The following EDEM3 variants were observed in gnomAD, a reference collection of about 807,000 sequenced individuals.
The protein encoded by EDEM3 is ER degradation-enhancing alpha-mannosidase-like protein 3.
A neutral mutation model predicts 110.2 loss-of-function variants in EDEM3; 60 were observed. That is an observed-to-expected ratio of 0.54 (90% confidence interval 0.44 to 0.67). The LOEUF (loss-of-function observed/expected upper bound fraction) is 0.67. Among genes scored for constraint, EDEM3 ranks in the 30% least tolerant of loss-of-function variants. The pLI is 0.00. For synonymous variants in EDEM3, 352 were observed against 382.9 expected (o/e 0.92, Z 0.94); for missense variants, 996 against 1,121.0 (o/e 0.89, Z 1.59).
chr1:184,729,564 T>C (rs552965521), intron 6 of EDEM3, among the ~76,000 whole-genome samples: 1 of 152,196 alleles, frequency 6.6e-6, no homozygotes, highest in Non-Finnish European at 1.5e-5. Flanking sequence ...CAATACCATT[T>C]CTGTACAGTA....
intron 2 of EDEM3, among the ~76,000 whole-genome samples, chr1:184,747,810 A>G (rs1652517301): frequency 6.6e-6 from 1 of 152,242 alleles, no homozygotes; most frequent in Non-Finnish European, 1.5e-5. Context: ...TGTATTCTAT[A>G]GTTAGAAAAA....
chr1:184,737,780 C>G, intron 2 of EDEM3, 69 bp from the exon 3 acceptor site: 1 of 1,326,424 alleles, frequency 7.5e-7, no homozygotes, highest in South Asian at 1.4e-5. Context: ...GAGAACATAA[C>G]TTTTTCACAG....
intron 4 of EDEM3, among the ~76,000 whole-genome samples, chr1:184,735,302 T>C (rs990335755): frequency 4.6e-5 from 7 of 152,332 alleles, no homozygotes; most frequent in Non-Finnish European, 7.4e-5. Context: ...ATAATGTATG[T>C]AAAATGATTT....
At chr1:184,712,372 T>C (rs1219165861) in intron 14 of EDEM3, 61 bp downstream of exon 14, 2 of 1,444,908 alleles carry the variant, frequency 1.4e-6, no homozygotes, top group East Asian at 4.8e-5. Context: ...TACTTTTCAC[T>C]TGGAAAAATA....
intron 16 of EDEM3, among the ~76,000 whole-genome samples, chr1:184,708,904 T>C (rs79045031): frequency 0.042 from 6,331 of 152,290 alleles, 167 homozygotes; most frequent in Middle Eastern, 0.075. Context: ...AACAATTGAT[T>C]CTGCTTGTGT....
chr1:184,721,860 T>C (rs1332899360), intron 8 of EDEM3, among the ~76,000 whole-genome samples: 1 of 151,596 alleles, frequency 6.6e-6, no homozygotes, highest in Non-Finnish European at 1.5e-5. Flanking sequence ...AAAAAAATGA[T>C]AGGCAGGTGG....
At chr1:184,709,414 G>C (rs560860272) in intron 16 of EDEM3, among the ~76,000 whole-genome samples, 1 of 152,294 alleles carries the variant, frequency 6.6e-6, no homozygotes, top group African/African-American at 2.4e-5. Flanking sequence ...ATATCATCCA[G>C]ATTCTTGGAA....
intron 2 of EDEM3, among the ~76,000 whole-genome samples, chr1:184,747,720 CA>C (rs1367402820): frequency 6.6e-5 from 10 of 152,216 alleles, no homozygotes; most frequent in Non-Finnish European, 1.5e-4. Context: ...GAAAGTTACT[CA>C]GTTAGGTCCC....
intron 2 of EDEM3, among the ~76,000 whole-genome samples, chr1:184,747,031 A>AC (rs962721950): frequency 7.9e-5 from 12 of 152,114 alleles, no homozygotes; most frequent in East Asian, 1.9e-4. Flanking sequence ...AAAAAAAAAA[A>AC]AACATTATTT....
chr1:184,742,334 T>TAA (rs1450368020), intron 2 of EDEM3, among the ~76,000 whole-genome samples: 1 of 152,218 alleles, frequency 6.6e-6, no homozygotes, highest in Non-Finnish European at 1.5e-5. Context: ...ATACAGCTAC[T>TAA]AAATTCTGAG....
At chr1:184,710,306 A>G (rs898929870) in intron 16 of EDEM3, 88 bp downstream of exon 16, 3 of 1,464,932 alleles carry the variant, frequency 2.0e-6, no homozygotes, top group Middle Eastern at 1.8e-4. Context: ...AAGTGTTTAG[A>G]AAGTTGAAAT....
chr1:184,720,940 TTTCAAAAAGAA>T, intron 9 of EDEM3: 1 of 191,248 alleles, frequency 5.2e-6, no homozygotes, highest in Admixed American at 6.4e-5. Flanking sequence ...ACTTCCAAGA[TTTCAAAAAGAA>T]TTGAAATACA....
At chr1:184,732,748 G>C in intron 6 of EDEM3, 89 bp downstream of exon 6, 1 of 1,320,756 alleles carries the variant, frequency 7.6e-7, no homozygotes, top group South Asian at 1.8e-5. Context: ...CCTCAAGCTG[G>C]TGAAGAACAA....
At chr1:184,718,985 T>C (rs1460358622) in intron 11 of EDEM3, among the ~76,000 whole-genome samples, 177 bp downstream of exon 11, 1 of 151,818 alleles carries the variant, frequency 6.6e-6, no homozygotes, top group African/African-American at 2.4e-5. Flanking sequence ...CAAAAACATA[T>C]ATAATACTGT....
chr1:184,697,086 A>C (rs947605846), intron 19 of EDEM3, among the ~76,000 whole-genome samples: 8 of 151,902 alleles, frequency 5.3e-5, no homozygotes, highest in Non-Finnish European at 1.0e-4. Context: ...AATACCAATA[A>C]CTCCTTTGTA....
At chr1:184,754,446 C>A in intron 1 of EDEM3, 43 bp downstream of exon 1, 1 of 1,611,174 alleles carries the variant, frequency 6.2e-7, no homozygotes, top group South Asian at 1.1e-5. Context: ...CTCCTGTTGT[C>A]AGCCTCACCG....
intron 8 of EDEM3, among the ~76,000 whole-genome samples, chr1:184,722,065 G>A (rs1268111713): frequency 6.6e-6 from 1 of 151,832 alleles, no homozygotes; most frequent in Non-Finnish European, 1.5e-5. Flanking sequence ...TCTATTTAAT[G>A]CATTTGTATT....
In EDEM3 at chr1:184,719,519, T is replaced by A. The variant is rs1315267291; in HGVS notation, c.1001A>T (p.Asp334Val). ...CAGCATTGGTTTGTGGATATGCACA[T>A]CAAGTAGAAGAGGTGGCTGGCTAAT... ...RYISQPPLLL[D>V]VHIHKPMLNA... is the part of the protein sequence containing the mutation. Residue 334 changes from aspartate (D) to valine (V), a missense_variant, in exon 10 of 20, where the codon GAT becomes GTT. Around this residue, in one of 5 missense-constraint regions of EDEM3, gnomAD observed 310 missense variants for 394.6 expected, o/e 0.79. Coordinates refer to ENST00000318130, the MANE Select transcript of EDEM3 (RefSeq NM_025191.4). The A allele has an allele frequency of 1.2e-6, 2 of 1,613,920 alleles. No homozygotes were observed. Among genetic ancestry groups the A allele is most frequent in the Non-Finnish European group, 1.7e-6 (2 of 1,179,990 alleles).
At chr1:184,753,672 A>C (rs754278583) in intron 1 of EDEM3, among the ~76,000 whole-genome samples, 2 of 152,132 alleles carry the variant, frequency 1.3e-5, no homozygotes, top group Non-Finnish European at 2.9e-5. Flanking sequence ...ATGGGCAAAA[A>C]CCAGCTAGCT....
Sources: allele counts gnomAD v4.1 joint callset (sites outside exome capture counted in the v4.1 genomes callset), GRCh38; gene constraint gnomAD v4.1.1; regional missense constraint gnomAD v4.1.1; transcripts MANE v1.5; gene names NCBI Gene and HGNC (gene_info 2026-07-23, HGNC 2026-07-21).